CSN2: variants seen among roughly 807,000 people sequenced by gnomAD.
The protein encoded by CSN2 is casein beta, also known as beta-casein.
A neutral mutation model predicts 27.3 loss-of-function variants in CSN2; 27 were observed. The observed-to-expected ratio is 0.99, with a 90% CI of 0.73 to 1.36. The LOEUF (loss-of-function observed/expected upper bound fraction) is 1.36, where lower values mean the gene tolerates loss of function less well. Ranked by LOEUF, CSN2 falls within the 40% of genes most tolerant of loss-of-function variation. CSN2 has a pLI of 0.00. For missense variants in CSN2, 333 were observed against 264.5 expected (o/e 1.26, Z -1.80); for synonymous variants, 131 against 94.8 (o/e 1.38, Z -2.22).
At chr4:69,963,414 T>G (rs1488238990) in intron 1 of CSN2, among the ~76,000 whole-genome samples, 147 of 152,020 alleles carry the variant, frequency 9.7e-4, no homozygotes, top group Middle Eastern at 3.4e-3. Flanking sequence ...CCATAAAAAA[T>G]GATGAGTTCA....
chr4:69,956,203 T>C (rs1723390726), intron 7 of CSN2, 111 bp downstream of exon 7: 3 of 634,938 alleles, frequency 4.7e-6, no homozygotes, highest in Non-Finnish European at 6.8e-6. Flanking sequence ...ATAAAAAAAG[T>C]TCTTGTATGT....
intron 1 of CSN2, among the ~76,000 whole-genome samples, chr4:69,963,100 G>C (rs1404767208): frequency 6.6e-6 from 1 of 151,724 alleles, no homozygotes; most frequent in East Asian, 1.9e-4. Context: ...GTGCTGGAGA[G>C]GATGTGGAGA....
chr4:69,961,176 C>T (rs1390160917), intron 1 of CSN2, among the ~76,000 whole-genome samples, 169 bp from the exon 2 acceptor site: 2 of 151,966 alleles, frequency 1.3e-5, no homozygotes, highest in African/African-American at 2.4e-5. Flanking sequence ...AGTTATATCA[C>T]ATGAAGGAGG....
chr4:69,963,874 A>G (rs2085353990), intron 1 of CSN2, among the ~76,000 whole-genome samples: 1 of 152,162 alleles, frequency 6.6e-6, no homozygotes, highest in South Asian at 2.1e-4. Flanking sequence ...TACAGTCCTG[A>G]TATTACTCCC....
chr4:69,959,941 A>G (rs1723517245), intron 3 of CSN2, 112 bp downstream of exon 3: 5 of 881,030 alleles, frequency 5.7e-6, no homozygotes, highest in Non-Finnish European at 9.1e-6. Context: ...AATATGTACT[A>G]GAACTTATAT....
chr4:69,961,169 T>C (rs1268117678), intron 1 of CSN2, among the ~76,000 whole-genome samples, 162 bp from the exon 2 acceptor site: 1 of 152,098 alleles, frequency 6.6e-6, no homozygotes, highest in Non-Finnish European at 1.5e-5. Flanking sequence ...AAATAGAAGT[T>C]ATATCACATG....
chr4:69,961,762 T>G lies in CSN2; in HGVS notation c.-12-755A>C, dbSNP rs545834579. Among the ~76,000 whole-genome samples the G allele has an allele frequency of 3.3e-4, 50 of 152,018 alleles. No individual in the cohort carries two copies. The East Asian group carries it at 3.5e-3, about 11-fold the overall frequency. ...ATTAGGCAGGAGAAGGAAATAAAGG[T>G]CATTCAATTAGGAAAAGAGGAAGTC... On this transcript the variant is annotated intron_variant, in intron 1 of 7. Transcript: ENST00000353151.
chr4:69,960,244 C>T (rs1000022566), intron 2 of CSN2, among the ~76,000 whole-genome samples, 165 bp from the exon 3 acceptor site: 2 of 152,074 alleles, frequency 1.3e-5, no homozygotes, highest in Non-Finnish European at 2.9e-5. Context: ...CTATAGCTAA[C>T]TCATTGTTAA....
chr4:69,957,475 A>G lies in CSN2; in HGVS notation c.474T>C (p.Pro158=). 1 of 1,613,850 alleles carries G rather than the reference A, an allele frequency of 6.2e-7. No individual in the cohort carries two copies. The highest frequency in any genetic ancestry group is 8.5e-7 in the Non-Finnish European group (1 of 1,179,984). The part of the protein sequence containing the change: ...PLMQQVPQPI[P]QTLALPPQPL... ...GCTGAGGGGGAAGTGCAAGAGTCTG[A>G]GGAATAGGCTGAGGGACCTGCTGCA... is the stretch of plus-strand genomic sequence containing the variant. The change falls in exon 6 of 8, where the codon CCT becomes CCC. Residue 158 remains proline (P), a synonymous_variant. Coordinates refer to ENST00000353151, the MANE Select transcript of CSN2 (RefSeq NM_001891.4).
Position 69,955,531 on chromosome 4 carries a change from T to C in CSN2, c.*98A>G, listed in dbSNP as rs1338240760. The C allele has an allele frequency of 1.3e-5, 2 of 152,536 alleles. No individual in the cohort carries two copies. Among genetic ancestry groups the C allele is most frequent in the African/African-American group, 4.8e-5 (2 of 41,454 alleles). The allele number at this position is 152,536 out of a possible 1,614,324, so 9.4% of individuals were successfully genotyped here. ...TCCATATAAACTCATTCAAACATACTTAATTTGGGGTAACGTGATACAAAG... is the reference window on the plus strand; with the variant it reads ...TCCATATAAACTCATTCAAACATACCTAATTTGGGGTAACGTGATACAAAG... On this transcript the variant is annotated 3_prime_UTR_variant, in exon 8 of 8. Transcript: ENST00000353151.
intron 3 of CSN2, 70 bp downstream of exon 3, chr4:69,959,983 C>A: frequency 2.2e-6 from 3 of 1,369,626 alleles, no homozygotes; most frequent in South Asian, 1.2e-5. Context: ...GCTTAACTGC[C>A]ATGATGTAAC....
intron 5 of CSN2, among the ~76,000 whole-genome samples, chr4:69,958,016 A>G (rs1031535955): frequency 2.6e-5 from 4 of 152,348 alleles, no homozygotes; most frequent in East Asian, 3.9e-4. Flanking sequence ...CTTCATGGGT[A>G]ACTCCACAGG....
intron 1 of CSN2, among the ~76,000 whole-genome samples, chr4:69,961,963 T>C (rs1466294450): frequency 2.0e-5 from 3 of 152,112 alleles, no homozygotes; most frequent in Non-Finnish European, 4.4e-5. Context: ...AGCCAAATCA[T>C]GAGTGAACTC....
In CSN2 at chr4:69,959,086, A is replaced by G; in HGVS notation, c.79-17T>C. 7.6e-7 allele frequency: 1 copy of G among 1,318,668 alleles called. No homozygotes were observed. 81.7% of individuals were successfully genotyped at this position (1,318,668 alleles called of 1,614,324 possible). A position where few individuals can be genotyped will look rare whatever the true frequency, so the allele number is the denominator to read the frequency against. ...AATAGATTCCTACAGAAAAATATAA[A>G]ATAAAATTAGGTTTAGTTTTAACAA... On this transcript the variant is annotated splice_polypyrimidine_tract_variant and intron_variant, in intron 3 of 7. Coordinates refer to ENST00000353151, the MANE Select transcript of CSN2 (RefSeq NM_001891.4).
rs766922127 is a variant in CSN2 at position 69,957,548 on chromosome 4, G to A, written c.401C>T (p.Thr134Ile). The A allele has an allele frequency of 1.2e-6, 2 of 1,613,968 alleles. No homozygotes were observed. The highest frequency in any genetic ancestry group is 1.7e-6 in the Non-Finnish European group (2 of 1,180,000). Residue 134 changes from threonine to isoleucine, a missense_variant, in exon 6 of 8, where the codon ACT (threonine) becomes ATT (isoleucine). Thr to Ile is a moderately conservative substitution (Grantham distance 89). Transcript: ENST00000353151. The stretch of plus-strand genomic sequence containing the variant: ...AGGAAGATGCAGATTTTCAAGATCA[G>A]TGAGTTTTGGGATTTGAGGGTCAAA... ...PFFDPQIPKL[T>I]DLENLHLPLP...
At chr4:69,964,619 A>AT (rs1234872384) in intron 1 of CSN2, among the ~76,000 whole-genome samples, 2 of 151,456 alleles carry the variant, frequency 1.3e-5, no homozygotes, top group East Asian at 3.9e-4. Context: ...TAAGACCACT[A>AT]TAAGTTCCCA....
chr4:69,964,136 A>C (rs1225661974), intron 1 of CSN2, among the ~76,000 whole-genome samples: 2 of 152,150 alleles, frequency 1.3e-5, no homozygotes, highest in Non-Finnish European at 2.9e-5. Flanking sequence ...ATAGCTAATA[A>C]TGTCTGTTCT....
chr4:69,958,342 T>G (rs1421744178), intron 5 of CSN2, among the ~76,000 whole-genome samples: 1 of 152,176 alleles, frequency 6.6e-6, no homozygotes, highest in Non-Finnish European at 1.5e-5. Flanking sequence ...TGGGAGAAGA[T>G]AGTCTCTTGA....
Position 69,957,359 on chromosome 4 carries a change from A to G in CSN2, c.590T>C (p.Leu197Pro). The G allele has an allele frequency of 6.2e-7, 1 of 1,613,146 alleles. No homozygotes were observed. Among genetic ancestry groups the G allele is most frequent in the Non-Finnish European group, 8.5e-7 (1 of 1,179,630 alleles). Residue 197 changes from leucine (L) to proline (P), a missense_variant, in exon 6 of 8, where the codon CTG becomes CCG. Leu to Pro is a moderately conservative substitution (Grantham distance 98). Transcript: ENST00000353151. ...PQRAVPVQALLLNQELLLNPT... is the reference protein window; with the variant it reads ...PQRAVPVQALPLNQELLLNPT... ...GTTAAGTAGAAGTTCTTGGTTGAGCAGAAGGGCTTGAACAGGCACAGCTCT... is the reference window on the plus strand; with the variant it reads ...GTTAAGTAGAAGTTCTTGGTTGAGCGGAAGGGCTTGAACAGGCACAGCTCT...
Sources: allele counts gnomAD v4.1 joint callset (sites outside exome capture counted in the v4.1 genomes callset), GRCh38; gene constraint gnomAD v4.1.1; transcripts MANE v1.5; gene names NCBI Gene and HGNC (gene_info 2026-07-23, HGNC 2026-07-21).